RETREG3: variants seen among roughly 807,000 people sequenced by gnomAD.
The protein encoded by RETREG3 is reticulophagy regulator family member 3.
A neutral mutation model predicts 50.2 loss-of-function variants in RETREG3; 23 were observed. The ratio of observed to expected loss-of-function variants is 0.46; its 90% CI spans 0.33 to 0.65. The LOEUF is 0.65. Ranked by LOEUF, RETREG3 falls within the 30% of genes least tolerant of loss-of-function variation. The probability of loss-of-function intolerance (pLI) is 0.02; values close to 1 mark genes in which losing one functional copy is unlikely to be tolerated. For synonymous variants in RETREG3, 240 were observed against 234.4 expected (o/e 1.02, Z -0.22); for missense variants, 546 against 598.0 (o/e 0.91, Z 0.91).
chr17:42,601,301 G>T (rs552668654), intron 1 of RETREG3, among the ~76,000 whole-genome samples: 2 of 146,092 alleles, frequency 1.4e-5, no homozygotes, highest in Non-Finnish European at 3.0e-5. Context: ...AAACTAAGAC[G>T]GTGGCTCAAG....
At position 42,609,341 on chromosome 17, in the gene RETREG3, C is replaced by G; in HGVS notation, c.-17G>C. The G allele has an allele frequency of 6.3e-7, 1 of 1,591,744 alleles. No individual in the cohort carries two copies. The highest frequency in any genetic ancestry group is 1.7e-4 in the Middle Eastern group (1 of 5,894). On this transcript the variant is annotated 5_prime_UTR_variant, in exon 1 of 9. Transcript: ENST00000309428. ...CTCAGCCATCTCCCCGCGGCAGCCACAACATCCGGGGCCGTGGCCCGACAA... is the reference window on the plus strand; with the variant it reads ...CTCAGCCATCTCCCCGCGGCAGCCAGAACATCCGGGGCCGTGGCCCGACAA...
chr17:42,586,216 T>C, intron 4 of RETREG3, 79 bp from the exon 5 acceptor site: 2 of 1,350,846 alleles, frequency 1.5e-6, no homozygotes, highest in Admixed American at 1.7e-5. Flanking sequence ...AGGGTAGAGA[T>C]ATGACAGAAA....
rs772840236 is a variant in RETREG3, at chr17:42,586,149, A to C, written c.505-12T>G. On this transcript the variant is annotated splice_polypyrimidine_tract_variant and intron_variant, in intron 4 of 8. Coordinates refer to ENST00000309428, the MANE Select transcript of RETREG3 (RefSeq NM_178126.4). The stretch of plus-strand genomic sequence containing the variant: ...CTCAGCAAGCAGAACTGGGGAATCA[A>C]GAAAGAGTATTAAGTTTCTGTCACA... 2 of 1,613,806 alleles carry C rather than the reference A, an allele frequency of 1.2e-6. No homozygotes were observed. The highest frequency in any genetic ancestry group is 3.3e-5 in the Admixed American group (2 of 60,012).
intron 1 of RETREG3, among the ~76,000 whole-genome samples, chr17:42,593,161 T>C (rs1382080627): frequency 1.3e-5 from 2 of 152,172 alleles, no homozygotes; most frequent in Non-Finnish European, 2.9e-5. Flanking sequence ...CTTATGAATA[T>C]AGATGTAAAA....
In RETREG3 at chr17:42,609,354, C is replaced by T. The variant is rs201011101; in HGVS notation, c.-30G>A. The stretch of plus-strand genomic sequence containing the variant: ...CCGCGGCAGCCACAACATCCGGGGC[C>T]GTGGCCCGACAAGTCACAATAACAG... On this transcript the variant is annotated 5_prime_UTR_variant, in exon 1 of 9. Transcript: ENST00000309428. 4.9e-5 allele frequency: 77 copies of T among 1,578,006 alleles called. No individual in the cohort carries two copies. The highest frequency in any genetic ancestry group is 1.7e-4 in the Middle Eastern group (1 of 5,734).
At position 42,587,964 on chromosome 17, in the gene RETREG3, GA is replaced by G. The variant is rs1266927533; in HGVS notation, c.347-101del. On this transcript the variant is annotated intron_variant, in intron 2 of 8. Transcript: ENST00000309428. ...ACAGCTCAAGTTTTAATAGGTTGGG[GA>G]AAAGAAAACAGTAATAGCCGATAAA... 4 of 1,354,484 alleles carry G rather than the reference GA, an allele frequency of 3.0e-6. No individual in the cohort carries two copies. In the Admixed American group the frequency reaches 5.1e-5, roughly 17 times the overall value. The allele number at this position is 1,354,484 out of a possible 1,614,324, so 83.9% of individuals were successfully genotyped here.
chr17:42,594,422 G>T (rs1597737689), intron 1 of RETREG3, among the ~76,000 whole-genome samples: 1 of 152,034 alleles, frequency 6.6e-6, no homozygotes, highest in Non-Finnish European at 1.5e-5. Flanking sequence ...CAGGTGCAGT[G>T]GCGTGCCTGT....
intron 2 of RETREG3, 78 bp downstream of exon 2, chr17:42,591,977 TA>T: frequency 7.9e-7 from 1 of 1,265,106 alleles, no homozygotes. Context: ...CACCTCCTCA[TA>T]AACCCCTAAT....
intron 1 of RETREG3, chr17:42,599,211 T>A (rs2093153914): frequency 1.3e-5 from 2 of 152,252 alleles, no homozygotes; most frequent in African/African-American, 4.8e-5. Context: ...CCTTGTTAAA[T>A]GTGCTTGTTT....
At chr17:42,596,359 C>CAAAAAAAAAAAAAAAAA (rs60457978) in intron 1 of RETREG3, among the ~76,000 whole-genome samples, 6 of 64,714 alleles carry the variant, frequency 9.3e-5, no homozygotes, top group African/African-American at 2.6e-4. Flanking sequence ...GACCCTTTCT[C>CAAAAAAAAAAAAAAAAA]AAAAAAAAAA....
intron 1 of RETREG3, among the ~76,000 whole-genome samples, chr17:42,605,040 T>C (rs750985124): frequency 2.0e-5 from 3 of 151,394 alleles, no homozygotes; most frequent in Non-Finnish European, 2.9e-5. Flanking sequence ...AGAAGTAATC[T>C]AGGCTGGAAG....
intron 1 of RETREG3, among the ~76,000 whole-genome samples, chr17:42,597,525 A>G (rs201644869): frequency 0.072 from 4,719 of 65,498 alleles, 186 homozygotes; most frequent in East Asian, 0.16. Flanking sequence ...GTGTGTGTGT[A>G]TATATATATA....
At chr17:42,584,437 C>A (rs1321567733) in intron 6 of RETREG3, among the ~76,000 whole-genome samples, 1 of 152,132 alleles carries the variant, frequency 6.6e-6, no homozygotes, top group African/African-American at 2.4e-5. Context: ...AGTACACTTA[C>A]AACCTCTGAG....
At chr17:42,582,352 A>T in intron 8 of RETREG3, 82 bp from the exon 9 acceptor site, 1 of 1,376,716 alleles carries the variant, frequency 7.3e-7, no homozygotes, top group Non-Finnish European at 9.9e-7. Context: ...GATTTTTCCC[A>T]CCCTGGCTTT....
intron 1 of RETREG3, among the ~76,000 whole-genome samples, chr17:42,601,989 G>C (rs1180922078): frequency 6.6e-6 from 1 of 152,084 alleles, no homozygotes; most frequent in Non-Finnish European, 1.5e-5. Flanking sequence ...CACTGAGCAT[G>C]TTACTGGGTC....
intron 7 of RETREG3, among the ~76,000 whole-genome samples, chr17:42,583,112 C>T (rs77650485): frequency 0.016 from 2,423 of 152,218 alleles, 73 homozygotes; most frequent in African/African-American, 0.055. Context: ...CAATTACCCA[C>T]TTACTTTAAG....
intron 6 of RETREG3, among the ~76,000 whole-genome samples, chr17:42,584,313 C>A (rs2093116530): frequency 6.6e-6 from 1 of 152,118 alleles, no homozygotes; most frequent in South Asian, 2.1e-4. Context: ...GCCTTGGTGA[C>A]CAAGTGCAGG....
chr17:42,582,424 G>C (rs1271957076), intron 8 of RETREG3, among the ~76,000 whole-genome samples, 154 bp from the exon 9 acceptor site: 2 of 152,210 alleles, frequency 1.3e-5, no homozygotes, highest in Non-Finnish European at 2.9e-5. Flanking sequence ...AGGTGGCTGT[G>C]ATCTCTACAC....
chr17:42,588,292 T>C (rs2093125259), intron 2 of RETREG3, among the ~76,000 whole-genome samples: 1 of 152,250 alleles, frequency 6.6e-6, no homozygotes, highest in African/African-American at 2.4e-5. Flanking sequence ...CTTCTCGCTC[T>C]GTTGCCCAGC....
Sources: gnomAD v4.1 joint callset for allele counts (sites outside exome capture counted in the v4.1 genomes callset) on GRCh38, gnomAD v4.1.1 for gene constraint, MANE v1.5 for transcripts, NCBI Gene and HGNC (gene_info 2026-07-23, HGNC 2026-07-21) for gene names.